The following EPHA6 variants were observed in gnomAD, a reference collection of about 807,000 sequenced individuals.
EPHA6 encodes the protein ephrin type-A receptor 6.
A neutral mutation model predicts 112.0 loss-of-function variants in EPHA6; 50 were observed. That is an observed-to-expected ratio of 0.45 (90% CI 0.36 to 0.56). The LOEUF is 0.56. Among genes scored for constraint, EPHA6 ranks in the 20% least tolerant of loss-of-function variants. The pLI is 0.00. For synonymous variants in EPHA6, 529 were observed against 490.7 expected (o/e 1.08, Z -1.03); for missense variants, 1,280 against 1,417.4 (o/e 0.90, Z 1.56).
chr3:97,371,610 T>A (rs1426844241), intron 5 of EPHA6, among the ~76,000 whole-genome samples: 1 of 152,052 alleles, frequency 6.6e-6, no homozygotes, highest in Non-Finnish European at 1.5e-5. Context: ...CAATATGAAA[T>A]CTGGGCACCT....
At chr3:96,865,703 A>C (rs1047574114) in intron 1 of EPHA6, among the ~76,000 whole-genome samples, 5 of 151,218 alleles carry the variant, frequency 3.3e-5, no homozygotes, top group Non-Finnish European at 5.9e-5. Context: ...ACAAAAAAAA[A>C]AAAAAAAAAA....
At chr3:97,101,974 CTT>C (rs895165310) in intron 3 of EPHA6, among the ~76,000 whole-genome samples, 1 of 152,060 alleles carries the variant, frequency 6.6e-6, no homozygotes, top group Non-Finnish European at 1.5e-5. Flanking sequence ...TGCTAGAACT[CTT>C]TATCCAAATT....
chr3:96,927,051 C>T (rs755596729), intron 2 of EPHA6, among the ~76,000 whole-genome samples: 1 of 152,242 alleles, frequency 6.6e-6, no homozygotes, highest in Admixed American at 6.5e-5. Flanking sequence ...CATTTCCATA[C>T]ATTCTCTGAA....
At chr3:97,289,102 A>G (rs2080587067) in intron 5 of EPHA6, among the ~76,000 whole-genome samples, 1 of 151,942 alleles carries the variant, frequency 6.6e-6, no homozygotes. Flanking sequence ...TCACAAGTCA[A>G]TTTTTGTTTT....
intron 5 of EPHA6, among the ~76,000 whole-genome samples, chr3:97,402,654 T>A (rs1234727987): frequency 6.6e-6 from 1 of 152,158 alleles, no homozygotes; most frequent in Non-Finnish European, 1.5e-5. Flanking sequence ...GAGTGCTTTT[T>A]CTTATATGCG....
At chr3:97,712,146 T>A (rs558097699) in intron 14 of EPHA6, among the ~76,000 whole-genome samples, 52 of 152,368 alleles carry the variant, frequency 3.4e-4, no homozygotes, top group Middle Eastern at 3.4e-3. Context: ...GTACATTTTT[T>A]AAAAATAAAA....
At chr3:97,646,453 A>G in intron 14 of EPHA6, 1 of 663,722 alleles carries the variant, frequency 1.5e-6, no homozygotes, top group Non-Finnish European at 2.3e-6. Flanking sequence ...TTTCTTCTTC[A>G]ACTTGAGTGT....
At chr3:97,451,748 T>A (rs767272485) in intron 7 of EPHA6, among the ~76,000 whole-genome samples, 1 of 151,942 alleles carries the variant, frequency 6.6e-6, no homozygotes, top group Admixed American at 6.6e-5. Flanking sequence ...ATTGACGGCA[T>A]CCATCTTTTT....
chr3:97,106,487 G>C (rs1246416734), intron 3 of EPHA6, among the ~76,000 whole-genome samples: 1 of 151,982 alleles, frequency 6.6e-6, no homozygotes, highest in Non-Finnish European at 1.5e-5. Flanking sequence ...TGAGCAGCCT[G>C]ACTCCAGGGG....
At chr3:97,458,517 G>T (rs2090774689) in intron 7 of EPHA6, among the ~76,000 whole-genome samples, 2 of 151,820 alleles carry the variant, frequency 1.3e-5, no homozygotes. Context: ...ATTACTTACT[G>T]AATTTATCAC....
chr3:97,651,462 T>G (rs1438870130), intron 14 of EPHA6, among the ~76,000 whole-genome samples: 1 of 152,064 alleles, frequency 6.6e-6, no homozygotes. Context: ...AAAAATGATT[T>G]ATAAAATCAC....
At chr3:97,112,405 T>G (rs1051739159) in intron 3 of EPHA6, among the ~76,000 whole-genome samples, 23 of 152,174 alleles carry the variant, frequency 1.5e-4, no homozygotes, top group African/African-American at 5.5e-4. Context: ...AGATTCTATC[T>G]CTGGTGATTA....
At chr3:97,496,639 T>G (rs1441720888) in intron 10 of EPHA6, among the ~76,000 whole-genome samples, 3 of 152,170 alleles carry the variant, frequency 2.0e-5, no homozygotes, top group African/African-American at 7.2e-5. Context: ...TTCACCTATC[T>G]TAGGTGAATT....
At chr3:97,330,234 T>C (rs1465375016) in intron 5 of EPHA6, among the ~76,000 whole-genome samples, 1 of 152,128 alleles carries the variant, frequency 6.6e-6, no homozygotes, top group Admixed American at 6.6e-5. Flanking sequence ...TGTAGTAGAG[T>C]TTGAAGTCAG....
intron 6 of EPHA6, chr3:97,441,432 TG>T: frequency 1.0e-6 from 1 of 979,664 alleles, no homozygotes; most frequent in Non-Finnish European, 1.2e-6. Flanking sequence ...AAAACTACAA[TG>T]GAAGAAGAAA....
intron 6 of EPHA6, among the ~76,000 whole-genome samples, chr3:97,445,192 C>T (rs2090293956): frequency 1.3e-5 from 2 of 151,964 alleles, no homozygotes; most frequent in Non-Finnish European, 2.9e-5. Context: ...TTTTTTCTCA[C>T]AATTGGTGCT....
At chr3:97,586,704 TGATG>T (rs935663091) in intron 11 of EPHA6, among the ~76,000 whole-genome samples, 36 of 147,158 alleles carry the variant, frequency 2.4e-4, no homozygotes, top group South Asian at 4.2e-4. Flanking sequence ...GATGGATAGA[TGATG>T]GATGGATGGA....
At chr3:96,910,171 CAA>C (rs1279721168) in intron 2 of EPHA6, among the ~76,000 whole-genome samples, 1 of 152,002 alleles carries the variant, frequency 6.6e-6, no homozygotes, top group Non-Finnish European at 1.5e-5. Context: ...TTATATAAGA[CAA>C]GACAGGGCAT....
At chr3:97,252,518 TG>T (rs1167946109) in intron 5 of EPHA6, among the ~76,000 whole-genome samples, 1 of 152,022 alleles carries the variant, frequency 6.6e-6, no homozygotes, top group Non-Finnish European at 1.5e-5. Context: ...GATCCCTCAC[TG>T]GGGAAAATGA....
Sources: allele counts gnomAD v4.1 joint callset (sites outside exome capture counted in the v4.1 genomes callset), GRCh38; gene constraint gnomAD v4.1.1; transcripts MANE v1.5; gene names NCBI Gene and HGNC (gene_info 2026-07-23, HGNC 2026-07-21).